The following ADK variants were observed in gnomAD, a reference collection of about 807,000 sequenced individuals.
The protein encoded by ADK is N6,N6-dimethyladenosine kinase.
A neutral mutation model predicts 44.7 loss-of-function variants in ADK; 24 were observed. The ratio of observed to expected loss-of-function variants is 0.54; its 90% CI spans 0.39 to 0.76. The LOEUF is 0.76. Among genes scored for constraint, ADK ranks in the 30% least tolerant of loss-of-function variants. ADK has a pLI of 0.00. For missense variants in ADK, 321 were observed against 425.1 expected, an observed-to-expected ratio of 0.76 and a Z score of 2.15; for synonymous variants, 128 against 142.6, an observed-to-expected ratio of 0.90 and a Z score of 0.73.
chr10:74,466,472 G>A (rs1846361716), intron 6 of ADK, among the ~76,000 whole-genome samples: 2 of 151,940 alleles, frequency 1.3e-5, no homozygotes, highest in African/African-American at 4.8e-5. Flanking sequence ...TTTTAAATTC[G>A]AATCTGAAAA....
At chr10:74,603,526 G>T (rs187437421) in intron 9 of ADK, among the ~76,000 whole-genome samples, 19 of 152,206 alleles carry the variant, frequency 1.2e-4, no homozygotes, top group African/African-American at 4.1e-4. Flanking sequence ...TTCTGTTCCT[G>T]TGTTAGTTTG....
intron 7 of ADK, among the ~76,000 whole-genome samples, chr10:74,554,167 A>G (rs989312681): frequency 2.6e-5 from 4 of 152,146 alleles, no homozygotes; most frequent in Admixed American, 6.5e-5. Context: ...TCTTCCCATG[A>G]AAGGGTAATT....
intron 9 of ADK, among the ~76,000 whole-genome samples, chr10:74,643,360 A>T (rs1440991481): frequency 6.6e-6 from 1 of 152,198 alleles, no homozygotes; most frequent in Non-Finnish European, 1.5e-5. Context: ...TTGGGAAACT[A>T]TATAGAATGC....
At chr10:74,256,296 C>G (rs1274362737) in intron 3 of ADK, among the ~76,000 whole-genome samples, 2 of 152,126 alleles carry the variant, frequency 1.3e-5, no homozygotes, top group Admixed American at 6.5e-5. Context: ...GTGATGTGGT[C>G]AAATTTGCAG....
chr10:74,472,941 A>G (rs552143563), intron 6 of ADK, among the ~76,000 whole-genome samples: 2 of 151,770 alleles, frequency 1.3e-5, no homozygotes, highest in Non-Finnish European at 1.5e-5. Context: ...CATTGTGGCT[A>G]TTTTTTCATC....
chr10:74,546,967 C>T (rs1462717111), intron 7 of ADK, among the ~76,000 whole-genome samples: 1 of 152,104 alleles, frequency 6.6e-6, no homozygotes, highest in African/African-American at 2.4e-5. Flanking sequence ...TGTCATATCA[C>T]CCAGCATTAA....
chr10:74,206,111 T>TA (rs1444921509), intron 2 of ADK, among the ~76,000 whole-genome samples: 2 of 152,130 alleles, frequency 1.3e-5, no homozygotes, highest in South Asian at 2.1e-4. Context: ...GTCACTATTT[T>TA]AAAAAAATCA....
intron 7 of ADK, among the ~76,000 whole-genome samples, chr10:74,571,919 C>T: frequency 6.6e-6 from 1 of 152,170 alleles, no homozygotes; most frequent in Non-Finnish European, 1.5e-5. Context: ...GATGGGTTTC[C>T]TGAATACAGC....
intron 6 of ADK, among the ~76,000 whole-genome samples, chr10:74,438,229 TC>T (rs1845253563): frequency 6.7e-6 from 1 of 148,362 alleles, no homozygotes; most frequent in African/African-American, 2.6e-5. Flanking sequence ...TGCCTCTCTC[TC>T]TCTTTTTTTT....
At chr10:74,197,969 T>C (rs1242727642) in intron 1 of ADK, among the ~76,000 whole-genome samples, 2 of 152,152 alleles carry the variant, frequency 1.3e-5, no homozygotes, top group Non-Finnish European at 2.9e-5. Context: ...AGGATACTTT[T>C]TTGTTGTTAT....
intron 4 of ADK, among the ~76,000 whole-genome samples, chr10:74,389,656 T>C (rs960423857): frequency 6.6e-6 from 1 of 152,112 alleles, no homozygotes; most frequent in Non-Finnish European, 1.5e-5. Context: ...TGGAAATCAC[T>C]GATCAAAAGC....
intron 8 of ADK, among the ~76,000 whole-genome samples, chr10:74,595,190 A>C (rs1476142836): frequency 6.7e-6 from 1 of 149,902 alleles, no homozygotes; most frequent in Non-Finnish European, 1.5e-5. Context: ...AAAAAAAAAA[A>C]AAAAAAAGGC....
chr10:74,548,599 C>T (rs532063374), intron 7 of ADK, among the ~76,000 whole-genome samples: 4 of 152,174 alleles, frequency 2.6e-5, no homozygotes, highest in East Asian at 1.9e-4. Flanking sequence ...TTTGAGTATT[C>T]GGGAAGACTT....
intron 6 of ADK, among the ~76,000 whole-genome samples, chr10:74,499,418 A>G (rs987174383): frequency 1.3e-5 from 2 of 152,102 alleles, no homozygotes; most frequent in East Asian, 1.9e-4. Flanking sequence ...GCCGGGCACA[A>G]TGGCTCACGC....
intron 6 of ADK, among the ~76,000 whole-genome samples, chr10:74,510,925 C>G (rs1275760512): frequency 6.6e-6 from 1 of 152,144 alleles, no homozygotes; most frequent in Non-Finnish European, 1.5e-5. Flanking sequence ...CGAGGCTGAT[C>G]TCAAACTCCT....
chr10:74,368,647 T>C (rs181958284), intron 4 of ADK, among the ~76,000 whole-genome samples: 1,959 of 152,072 alleles, frequency 0.013, 43 homozygotes, highest in African/African-American at 0.045. Context: ...TTTTTTTTTT[T>C]GATACAGAGT....
intron 6 of ADK, among the ~76,000 whole-genome samples, chr10:74,498,618 T>C (rs1169054604): frequency 6.6e-6 from 1 of 152,112 alleles, no homozygotes; most frequent in Non-Finnish European, 1.5e-5. Flanking sequence ...ATTGGTGTGC[T>C]GCACCCATTA....
intron 6 of ADK, among the ~76,000 whole-genome samples, chr10:74,415,413 C>T (rs1053184473): frequency 4.0e-5 from 6 of 151,772 alleles, no homozygotes; most frequent in African/African-American, 1.5e-4. Context: ...TGCTAGTTGT[C>T]ATATCTTTGA....
At chr10:74,188,333 T>A (rs1000738633) in intron 1 of ADK, among the ~76,000 whole-genome samples, 1 of 147,818 alleles carries the variant, frequency 6.8e-6, no homozygotes, top group Admixed American at 7.0e-5. Context: ...ATTTTGGACA[T>A]GTATTTTTAA....
Sources: gnomAD v4.1 joint callset for allele counts (sites outside exome capture counted in the v4.1 genomes callset) on GRCh38, gnomAD v4.1.1 for gene constraint, MANE v1.5 for transcripts, NCBI Gene and HGNC (gene_info 2026-07-23, HGNC 2026-07-21) for gene names.